The following C12orf76 variants were observed in gnomAD, a reference collection of about 807,000 sequenced individuals.
The protein encoded by C12orf76 is uncharacterized protein C12orf76.
Under a neutral mutation model 6.8 loss-of-function variants are expected in C12orf76, and 6 were observed. The ratio of observed to expected loss-of-function variants is 0.88; its 90% CI spans 0.48 to 1.73. The LOEUF is 1.73. C12orf76 is among the 40% of genes most tolerant of loss of function. The probability of loss-of-function intolerance (pLI) is 0.01; values close to 1 mark genes in which losing one functional copy is unlikely to be tolerated. For synonymous variants in C12orf76, 56 were observed against 43.7 expected (o/e 1.28, Z -1.11); for missense variants, 99 against 98.2 (o/e 1.01, Z -0.03).
At chr12:110,046,918 CT>C (rs1315571011) in intron 1 of C12orf76, among the ~76,000 whole-genome samples, 1 of 152,092 alleles carries the variant, frequency 6.6e-6, no homozygotes, top group African/African-American at 2.4e-5. Flanking sequence ...CCCACTGCCC[CT>C]CGCCCCCTGA....
At chr12:110,068,322 G>GAAGAAGAAGAAA (rs1566080295), upstream of C12orf76, among the ~76,000 whole-genome samples, 15 of 139,162 alleles carry the variant, frequency 1.1e-4, 1 homozygote, top group African/African-American at 3.3e-4. Context: ...AGAAGAAGAA[G>GAAGAAGAAGAAA]AAGAAGAAGG....
chr12:110,063,641 T>G (rs1422887863), intron 2 of C12orf76, among the ~76,000 whole-genome samples: 1 of 148,604 alleles, frequency 6.7e-6, no homozygotes, highest in East Asian at 2.0e-4. Context: ...TTTATTTATT[T>G]ATTGAGACCG....
At chr12:110,069,207 A>G (rs1243869399), upstream of C12orf76, among the ~76,000 whole-genome samples, 2 of 152,162 alleles carry the variant, frequency 1.3e-5, no homozygotes, top group Non-Finnish European at 2.9e-5. Context: ...TTGGGAGGCC[A>G]AGGCGGGCGG....
intron 2 of C12orf76, among the ~76,000 whole-genome samples, chr12:110,063,182 C>T (rs955486210): frequency 1.9e-4 from 29 of 152,074 alleles, no homozygotes; most frequent in Admixed American, 3.3e-4. Context: ...TCAAGTGATC[C>T]GCCCGCCTCA....
At chr12:110,057,315 A>T in intron 3 of C12orf76, 1 of 1,542,964 alleles carries the variant, frequency 6.5e-7, no homozygotes, top group Non-Finnish European at 9.0e-7. Context: ...CCAGAGCAAA[A>T]GTAACACCAA....
exon 2 of C12orf76, chr12:110,065,892 T>G (rs1227614617): frequency 6.2e-7 from 1 of 1,614,138 alleles, no homozygotes; most frequent in Non-Finnish European, 8.5e-7. Context: ...TTGCTGTTCC[T>G]CTTTTGTGCT....
chr12:110,049,828 C>T (rs1892545624), upstream of C12orf76: 1 of 152,180 alleles, frequency 6.6e-6, no homozygotes. Flanking sequence ...TCATAGATTC[C>T]AGACATTGTA....
chr12:110,045,485 C>T (rs1184892205), intron 1 of C12orf76, among the ~76,000 whole-genome samples: 1 of 152,064 alleles, frequency 6.6e-6, no homozygotes, highest in Non-Finnish European at 1.5e-5. Context: ...ACTCGGGAGG[C>T]TGAGGCAGGA....
intron 2 of C12orf76, among the ~76,000 whole-genome samples, chr12:110,061,971 G>A (rs1365685067): frequency 6.6e-6 from 1 of 152,002 alleles, no homozygotes; most frequent in Non-Finnish European, 1.5e-5. Flanking sequence ...TCTGTAATAA[G>A]AGGATATTAG....
chr12:110,051,642 G>A (rs1451482037), upstream of C12orf76, among the ~76,000 whole-genome samples: 4 of 152,056 alleles, frequency 2.6e-5, no homozygotes, highest in Non-Finnish European at 5.9e-5. Flanking sequence ...GGGCAGGCTG[G>A]TCTTGAACTC....
At position 110,042,391 on chromosome 12, in the gene C12orf76, GC is replaced by G. The variant is rs1220088443; in HGVS notation, c.201del (p.Lys67AsnfsTer19). The G allele has an allele frequency of 1.2e-6, 2 of 1,614,068 alleles. No homozygotes were observed. On this transcript the variant is annotated frameshift_variant, in exon 2 of 2. Coordinates refer to ENST00000615315, the MANE Select transcript of C12orf76 (RefSeq NM_001389625.1). LOFTEE classifies it high-confidence loss of function. The stretch of plus-strand genomic sequence containing the variant: ...TCTGGCTGTCACCGACGCCGAATGG[GC>G]TTGTAGACACAAAATGCCATAAGGA... ...TVILMAFCVYKPIRRR is the reference protein window; with the variant it reads ...TVILMAFCVYXPIRRR
intron 1 of C12orf76, 113 bp downstream of exon 1, chr12:110,048,250 T>G: frequency 7.7e-7 from 1 of 1,293,312 alleles, no homozygotes; most frequent in Non-Finnish European, 1.0e-6. Flanking sequence ...CCCCCCGCAC[T>G]CACCCATCTC....
intron 1 of C12orf76, among the ~76,000 whole-genome samples, chr12:110,045,357 G>T (rs987151558): frequency 6.6e-6 from 1 of 151,436 alleles, no homozygotes; most frequent in East Asian, 2.0e-4. Flanking sequence ...AGAGGCCAAG[G>T]CGGGCGGATC....
chr12:110,072,209 A>G (rs1005885036), upstream of C12orf76, among the ~76,000 whole-genome samples: 32 of 152,086 alleles, frequency 2.1e-4, no homozygotes, highest in African/African-American at 7.2e-4. Flanking sequence ...GGAGGATTGC[A>G]TGAGTGCTGG....
chr12:110,055,289 C>T (rs1404168452), intron 4 of C12orf76, among the ~76,000 whole-genome samples: 1 of 151,050 alleles, frequency 6.6e-6, no homozygotes, highest in African/African-American at 2.4e-5. Context: ...TCTCTGCTCA[C>T]TGCAGCCTCC....
At position 110,042,117 on chromosome 12, in the gene C12orf76, G is replaced by T; in HGVS notation, c.*257C>A. 1.9e-6 allele frequency: 1 copy of T among 530,336 alleles called. No homozygotes were observed. Among genetic ancestry groups the T allele is most frequent in the Non-Finnish European group, 3.4e-6 (1 of 293,572 alleles). The allele number at this position is 530,336 out of a possible 1,614,324, so 32.9% of individuals were successfully genotyped here. On this transcript the variant is annotated 3_prime_UTR_variant, in exon 2 of 2. Transcript: ENST00000615315. The stretch of plus-strand genomic sequence containing the variant: ...CACTCCATCTTTACACTGACCTTTG[G>T]AGCTTTCAGGTCTTACTTTTAACAA...
At chr12:110,064,939 G>A (rs1892833471) in intron 2 of C12orf76, among the ~76,000 whole-genome samples, 1 of 152,100 alleles carries the variant, frequency 6.6e-6, no homozygotes, top group South Asian at 2.1e-4. Flanking sequence ...AGATACCAAG[G>A]CAGCTTTTCA....
upstream of C12orf76, among the ~76,000 whole-genome samples, chr12:110,072,274 A>C (rs1222249257): frequency 6.6e-6 from 1 of 152,120 alleles, no homozygotes; most frequent in Non-Finnish European, 1.5e-5. Flanking sequence ...AAAAAAAAAA[A>C]AAGTAATGAA....
intron 3 of C12orf76, chr12:110,058,876 C>G: frequency 8.0e-7 from 1 of 1,254,904 alleles, no homozygotes; most frequent in Non-Finnish European, 1.1e-6. Flanking sequence ...CATGTGCCAA[C>G]CACTCTTCTA....
Sources: allele counts gnomAD v4.1 joint callset (sites outside exome capture counted in the v4.1 genomes callset), GRCh38; gene constraint gnomAD v4.1.1; transcripts MANE v1.5; gene names NCBI Gene and HGNC (gene_info 2026-07-23, HGNC 2026-07-21).